The following CES1 variants were observed in gnomAD, a reference collection of about 807,000 sequenced individuals.
The protein encoded by CES1 is liver carboxylesterase 1.
A neutral mutation model predicts 53.0 loss-of-function variants in CES1; 50 were observed. The observed-to-expected ratio is 0.94, with a 90% CI of 0.75 to 1.19. CES1 has a LOEUF of 1.19. CES1 is among the 50% of genes most tolerant of loss of function. The pLI, the probability that CES1 is intolerant of heterozygous loss-of-function variation, is 0.00. For missense variants in CES1, 534 were observed against 538.0 expected (o/e 0.99, Z 0.07); for synonymous variants, 202 against 210.1 (o/e 0.96, Z 0.33).
intron 7 of CES1, among the ~76,000 whole-genome samples, chr16:55,818,643 T>C (rs1597077196): frequency 6.6e-6 from 1 of 151,896 alleles, no homozygotes; most frequent in East Asian, 1.9e-4. Context: ...GCGAAGTATA[T>C]GAATGTATTT....
At chr16:55,830,032 A>G (rs1251398070) in intron 1 of CES1, among the ~76,000 whole-genome samples, 2 of 152,150 alleles carry the variant, frequency 1.3e-5, no homozygotes, top group Non-Finnish European at 2.9e-5. Flanking sequence ...CTTCCCTCCT[A>G]GGAAATGATT....
At chr16:55,819,837 A>G (rs1407723455) in intron 6 of CES1, among the ~76,000 whole-genome samples, 198 bp from the exon 7 acceptor site, 4 of 152,340 alleles carry the variant, frequency 2.6e-5, no homozygotes, top group South Asian at 4.1e-4. Flanking sequence ...ACATGGGTCA[A>G]TTATGTAATC....
chr16:55,813,573 C>G (rs1227408467), intron 8 of CES1, among the ~76,000 whole-genome samples: 2 of 152,172 alleles, frequency 1.3e-5, no homozygotes, highest in African/African-American at 2.4e-5. Context: ...TACTTTAGCC[C>G]TTTCTATCAC....
chr16:55,832,641 G>C (rs2032728600), intron 1 of CES1, among the ~76,000 whole-genome samples: 1 of 152,216 alleles, frequency 6.6e-6, no homozygotes, highest in Non-Finnish European at 1.5e-5. Context: ...TCTGGCTCCA[G>C]AGTCGATGCT....
At chr16:55,824,541 A>G (rs1250378354) in intron 3 of CES1, among the ~76,000 whole-genome samples, 1 of 152,234 alleles carries the variant, frequency 6.6e-6, no homozygotes, top group African/African-American at 2.4e-5. Context: ...TCCAGGTGGG[A>G]AAATGGAGGC....
At position 55,828,941 on chromosome 16, in the gene CES1, G is replaced by T. The variant is rs773532151; in HGVS notation, c.86C>A (p.Thr29Asn). ...GHPSSPPVVD[T>N]VHGKVLGKFV... ...CTTCCCCAGCACTTTGCCATGCACG[G>T]TGTCCACCACAGGTGGCGAGGACGG... Residue 29 changes from threonine to asparagine, a missense_variant, in exon 2 of 14, where the codon ACC (threonine) becomes AAC (asparagine). Coordinates refer to ENST00000360526, the MANE Select transcript of CES1 (RefSeq NM_001025195.2). 6.8e-6 allele frequency: 11 copies of T among 1,613,222 alleles called. No individual in the cohort carries two copies. The highest frequency in any genetic ancestry group is 6.7e-5 in the African/African-American group (5 of 74,958).
At chr16:55,832,974 G>C in intron 1 of CES1, 30 bp downstream of exon 1, 1 of 1,464,654 alleles carries the variant, frequency 6.8e-7, no homozygotes, top group African/African-American at 1.5e-5. Context: ...TTCAAAAAGT[G>C]CCCCGCATTT....
At chr16:55,816,764 C>A (rs527267474) in intron 8 of CES1, among the ~76,000 whole-genome samples, 160 bp downstream of exon 8, 1 of 152,228 alleles carries the variant, frequency 6.6e-6, no homozygotes, top group South Asian at 2.1e-4. Flanking sequence ...GTCTTCCTGG[C>A]TGTGTTACCC....
intron 9 of CES1, among the ~76,000 whole-genome samples, chr16:55,811,679 C>G (rs2031704973): frequency 6.6e-6 from 1 of 152,180 alleles, no homozygotes; most frequent in Non-Finnish European, 1.5e-5. Flanking sequence ...CCAGCCAAAA[C>G]CTGGAGACAA....
intron 1 of CES1, among the ~76,000 whole-genome samples, chr16:55,831,257 G>A (rs2032657892): frequency 6.6e-6 from 1 of 152,166 alleles, no homozygotes; most frequent in Admixed American, 6.5e-5. Flanking sequence ...AGCCCAGGGA[G>A]CAAGAGGGCG....
chr16:55,811,553 C>T (rs770032134), intron 9 of CES1, among the ~76,000 whole-genome samples: 12 of 152,162 alleles, frequency 7.9e-5, no homozygotes, highest in South Asian at 4.1e-4. Context: ...CTCAGGGACT[C>T]GACCAATCTC....
Position 55,826,223 on chromosome 16 carries a change from G to C in CES1, c.333C>G (p.Leu111=). The change falls in exon 3 of 14, where the codon CTC becomes CTG. Residue 111 remains leucine (L), a synonymous_variant. Coordinates refer to ENST00000360526, the MANE Select transcript of CES1 (RefSeq NM_001025195.2). ...GGTAAAGACAGTCTTCAGAAAGCTTGAGAGGAATGTTCTCCTTTCGGTTTG... is the reference window on the plus strand; with the variant it reads ...GGTAAAGACAGTCTTCAGAAAGCTTCAGAGGAATGTTCTCCTTTCGGTTTG... ...LFTNRKENIP[L]KLSEDCLYLN... The C allele has an allele frequency of 1.2e-6, 2 of 1,613,966 alleles. No homozygotes were observed. The highest frequency in any genetic ancestry group is 1.7e-6 in the Non-Finnish European group (2 of 1,179,830).
At position 55,814,906 on chromosome 16, in the gene CES1, T is replaced by C. The variant is rs181222778; in HGVS notation, c.946-1863A>G. On this transcript the variant is annotated intron_variant, in intron 8 of 13. Coordinates refer to ENST00000360526, the MANE Select transcript of CES1 (RefSeq NM_001025195.2). ...ATGAAGAACAGGATTGGGGTGCAAG[T>C]CCAGCCTCCTTAAGAGGCTGTGCAG... Among the ~76,000 whole-genome samples, 7 of 152,352 alleles carry C rather than the reference T, an allele frequency of 4.6e-5. No homozygotes were observed. In the East Asian group the frequency reaches 1.3e-3, roughly 29 times the overall value.
rs1370382950 is a variant in CES1 at position 55,828,285 on chromosome 16, G to T, written c.260+482C>A. 3 of 256,412 alleles carry T rather than the reference G, an allele frequency of 1.2e-5. No homozygotes were observed. In the East Asian group the frequency reaches 2.7e-4, roughly 23 times the overall value. 15.9% of individuals were successfully genotyped at this position (256,412 alleles called of 1,614,324 possible). A position where few individuals can be genotyped will look rare whatever the true frequency, so the allele number is the denominator to read the frequency against. On this transcript the variant is annotated intron_variant, in intron 2 of 13. Coordinates refer to ENST00000360526, the MANE Select transcript of CES1 (RefSeq NM_001025195.2). ...CTGAGAGTTGAGCACTTGCCGAGTG[G>T]ACACCTCAGTACACTTGCCACCCAC...
rs1220923286 is a variant in CES1, at chr16:55,822,490, A to G, written c.540-969T>C. ...GGATGTGGCAGCAGAAGCTGAGTGG[A>G]GGCGTGGTGGGAGGAGAAGGGGGTC... On this transcript the variant is annotated intron_variant, in intron 4 of 13. Coordinates refer to ENST00000360526, the MANE Select transcript of CES1 (RefSeq NM_001025195.2). 3.3e-5 allele frequency among the ~76,000 whole-genome samples: 5 copies of G among 152,188 alleles called. No individual in the cohort carries two copies. In the East Asian group the frequency reaches 9.7e-4, roughly 29 times the overall value.
At chr16:55,809,000 T>A (rs1397222760) in intron 11 of CES1, among the ~76,000 whole-genome samples, 1 of 149,006 alleles carries the variant, frequency 6.7e-6, no homozygotes, top group Non-Finnish European at 1.5e-5. Flanking sequence ...GTTTCTATAA[T>A]TTAACATATT....
rs1367085893 is a variant in CES1, at chr16:55,812,456, GA to G, written c.1086+446del. ...CTAGAAGTCAATGGTAACTCAAGAA[GA>G]AGCCACTTTCTTTGGATATTTTCAA... On this transcript the variant is annotated intron_variant, in intron 9 of 13. Coordinates refer to ENST00000360526, the MANE Select transcript of CES1 (RefSeq NM_001025195.2). The G allele has an allele frequency of 3.1e-5, 8 of 258,150 alleles. No individual in the cohort carries two copies. The South Asian group carries it at 3.8e-4, about 12-fold the overall frequency. 16.0% of individuals were successfully genotyped at this position (258,150 alleles called of 1,614,324 possible).
In CES1 at chr16:55,826,123, G is replaced by A. The variant is rs150595178; in HGVS notation, c.405+28C>T. 1,827 of 1,613,842 alleles carry A rather than the reference G, an allele frequency of 1.1e-3. 3 individuals are homozygous for A. Among genetic ancestry groups the A allele is most frequent in the Middle Eastern group, 4.0e-3 (24 of 6,034 alleles). ...AGATGCGGGGTACTGGCACTGACAC[G>A]CCTTGACCAGGGGGTCCCACAACTT... On this transcript the variant is annotated intron_variant, in intron 3 of 13. Coordinates refer to ENST00000360526, the MANE Select transcript of CES1 (RefSeq NM_001025195.2).
At chr16:55,818,541 G>T (rs1368144274) in intron 7 of CES1, among the ~76,000 whole-genome samples, 1 of 152,062 alleles carries the variant, frequency 6.6e-6, no homozygotes, top group African/African-American at 2.4e-5. Context: ...TCCACTGTCT[G>T]GTCTCAAATC....
Sources: gnomAD v4.1 joint callset for allele counts (sites outside exome capture counted in the v4.1 genomes callset) on GRCh38, gnomAD v4.1.1 for gene constraint, MANE v1.5 for transcripts, NCBI Gene and HGNC (gene_info 2026-07-23, HGNC 2026-07-21) for gene names.